The following OCRL variants were observed in gnomAD, a reference collection of about 807,000 sequenced individuals.
OCRL encodes OCRL inositol polyphosphate-5-phosphatase, also known as inositol polyphosphate 5-phosphatase OCRL.
OCRL carries 8 observed loss-of-function variants against 78.9 expected under a neutral mutation model. The ratio of observed to expected loss-of-function variants is 0.10; its 90% CI spans 0.06 to 0.18. The LOEUF (loss-of-function observed/expected upper bound fraction) is 0.18. OCRL is among the 10% of genes least tolerant of loss of function. The pLI, the probability that OCRL is intolerant of heterozygous loss-of-function variation, is 1.00. For synonymous variants in OCRL, 240 were observed against 235.4 expected (o/e 1.02, Z -0.18); for missense variants, 454 against 696.7 (o/e 0.65, Z 3.92).
At position 129,576,144 on chromosome X, in the gene OCRL, CAT is replaced by C. The variant is rs1419503578; in HGVS notation, c.1879+83_1879+84del. On this transcript the variant is annotated intron_variant, in intron 17 of 23. Coordinates refer to ENST00000371113, the MANE Select transcript of OCRL (RefSeq NM_000276.4). ...GGTTTAACTTTCTGTTTTCTAACCA[CAT>C]GTCTCTTACCTTTACTGTCATATTG... is the stretch of plus-strand genomic sequence containing the variant. 10 of 1,033,292 alleles carry C rather than the reference CAT, an allele frequency of 9.7e-6. No individual in the cohort carries two copies. The Admixed American group carries it at 1.1e-4, about 12-fold the overall frequency. 85.2% of individuals were successfully genotyped at this position (1,033,292 alleles called of 1,213,427 possible).
chrX:129,584,336 G>T lies in OCRL; in HGVS notation c.2116-8G>T, dbSNP rs200580480. ...GTCAATGACTTTCTTTTCCTGCTCC[G>T]CTCTCAGGAAGAAGACAGCTTCCTA... On this transcript the variant is annotated splice_region_variant and splice_polypyrimidine_tract_variant and intron_variant, in intron 18 of 23. Coordinates refer to ENST00000371113, the MANE Select transcript of OCRL (RefSeq NM_000276.4). 2.2e-5 allele frequency: 26 copies of T among 1,204,016 alleles called. No homozygotes were observed. The highest frequency in any genetic ancestry group is 1.8e-4 in the South Asian group (10 of 56,649).
chrX:129,566,397 T>A (rs763781861), intron 13 of OCRL, among the ~76,000 whole-genome samples: 1 of 112,578 alleles, frequency 8.9e-6, no homozygotes, highest in African/African-American at 3.2e-5. Flanking sequence ...AGATGATAAG[T>A]TGAAGCTAGC....
At chrX:129,578,850 TTGTA>T (rs1441093479) in intron 18 of OCRL, among the ~76,000 whole-genome samples, 6 of 110,804 alleles carry the variant, frequency 5.4e-5, no homozygotes, top group African/African-American at 2.0e-4. Context: ...TTTTATTAAA[TTGTA>T]TGTGTGTGGA....
In OCRL at chrX:129,590,143, T is replaced by A. The variant is rs2124430712; in HGVS notation, c.2582-3T>A. 1 of 1,211,791 alleles carries A rather than the reference T, an allele frequency of 8.3e-7. No homozygotes were observed. The highest frequency in any genetic ancestry group is 1.1e-6 in the Non-Finnish European group (1 of 895,512). The stretch of plus-strand genomic sequence containing the variant: ...TTCCGCTTGTCTTTCTCTCGTCTTG[T>A]AGCTACTCTCTTCACTAGTCTTCTC... On this transcript the variant is annotated splice_region_variant and splice_polypyrimidine_tract_variant and intron_variant, in intron 23 of 23. Transcript: ENST00000371113.
intron 4 of OCRL, among the ~76,000 whole-genome samples, chrX:129,552,131 G>T (rs1016738598): frequency 1.8e-5 from 2 of 112,098 alleles, no homozygotes; most frequent in African/African-American, 6.5e-5. Flanking sequence ...GTCATCATTT[G>T]CATGGAAGCA....
At chrX:129,550,501 T>A (rs909847345) in intron 4 of OCRL, among the ~76,000 whole-genome samples, 2 of 111,753 alleles carry the variant, frequency 1.8e-5, no homozygotes, top group Admixed American at 9.5e-5. Context: ...TTTTTTCAGG[T>A]CCTCTTTTAT....
At chrX:129,569,142 G>T in intron 14 of OCRL, 122 bp from the exon 15 acceptor site, 2 of 801,652 alleles carry the variant, frequency 2.5e-6, no homozygotes, top group Non-Finnish European at 1.9e-6. Context: ...GTTAGGGAAG[G>T]AGAAGTACAC....
At chrX:129,589,759 A>T in intron 22 of OCRL, 86 bp from the exon 23 acceptor site, 1 of 639,789 alleles carries the variant, frequency 1.6e-6, no homozygotes, top group Non-Finnish European at 2.6e-6. Context: ...GTTGGATTAT[A>T]GACTACTATT....
intron 5 of OCRL, 48 bp downstream of exon 5, chrX:129,557,483 G>A: frequency 9.4e-7 from 1 of 1,069,133 alleles, no homozygotes; most frequent in Non-Finnish European, 1.3e-6. Context: ...AACGGGAGTG[G>A]AATTCTGACA....
At chrX:129,581,574 C>T (rs1317224300) in intron 18 of OCRL, among the ~76,000 whole-genome samples, 1 of 109,959 alleles carries the variant, frequency 9.1e-6, no homozygotes, top group Non-Finnish European at 1.9e-5. Flanking sequence ...TCTTGTCCCT[C>T]CATCAGTATT....
rs767848698 is a variant in OCRL, at chrX:129,586,990, T to C, written c.2140-12T>C. On this transcript the variant is annotated splice_polypyrimidine_tract_variant and intron_variant, in intron 19 of 23. Coordinates refer to ENST00000371113, the MANE Select transcript of OCRL (RefSeq NM_000276.4). ...GAGACCCCTTTGATTCTCATACTTTTCCATCTATTAGGAGAAATCCCTTCT... is the reference window on the plus strand; with the variant it reads ...GAGACCCCTTTGATTCTCATACTTTCCCATCTATTAGGAGAAATCCCTTCT... 12 of 1,109,985 alleles carry C rather than the reference T, an allele frequency of 1.1e-5. No individual in the cohort carries two copies. Among genetic ancestry groups the C allele is most frequent in the Non-Finnish European group, 1.0e-5 (8 of 802,590 alleles). The allele number at this position is 1,109,985 out of a possible 1,213,427, so 91.5% of individuals were successfully genotyped here.
chrX:129,571,342 GTTTTTGT>G (rs1244778502), intron 15 of OCRL, among the ~76,000 whole-genome samples: 10 of 88,514 alleles, frequency 1.1e-4, no homozygotes. Context: ...TTTTTTGTTT[GTTTTTGT>G]TTTTTGTTTT....
At chrX:129,541,207 G>A (rs1160608358) in intron 2 of OCRL, among the ~76,000 whole-genome samples, 1 of 112,363 alleles carries the variant, frequency 8.9e-6, no homozygotes, top group East Asian at 2.8e-4. Context: ...ATAACTGGGG[G>A]AAAAATAAAT....
chrX:129,561,632 G>A (rs1382110937), intron 10 of OCRL, among the ~76,000 whole-genome samples: 1 of 112,097 alleles, frequency 8.9e-6, no homozygotes, highest in African/African-American at 3.2e-5. Context: ...AATATGAAAC[G>A]TGGGCGCATG....
intron 6 of OCRL, 109 bp from the exon 7 acceptor site, chrX:129,558,524 G>A: frequency 1.1e-6 from 1 of 942,606 alleles, no homozygotes; most frequent in Non-Finnish European, 1.5e-6. Flanking sequence ...ATAGTTTTCT[G>A]TTTAGTAATA....
chrX:129,557,833 T>C, intron 5 of OCRL, 28 bp from the exon 6 acceptor site: 2 of 1,048,576 alleles, frequency 1.9e-6, no homozygotes, highest in Non-Finnish European at 2.7e-6. Flanking sequence ...GACTTCCCAG[T>C]TTCTGACCAT....
chrX:129,569,150 C>A, intron 14 of OCRL, 114 bp from the exon 15 acceptor site: 1 of 868,765 alleles, frequency 1.2e-6, no homozygotes, highest in Non-Finnish European at 1.7e-6. Context: ...AGGAGAAGTA[C>A]ACGGTTCTTT....
At chrX:129,590,055 A>G (rs2124430632) in intron 23 of OCRL, 91 bp from the exon 24 acceptor site, 2 of 1,177,925 alleles carry the variant, frequency 1.7e-6, no homozygotes, top group East Asian at 3.0e-5. Context: ...CATGGCAGTC[A>G]ATAGTCCTTG....
intron 2 of OCRL, among the ~76,000 whole-genome samples, chrX:129,542,989 C>T (rs767511309): frequency 8.1e-5 from 9 of 111,577 alleles, no homozygotes; most frequent in Admixed American, 6.7e-4. Flanking sequence ...GAATCAAACA[C>T]TTAAGATTCA....
Sources: allele counts gnomAD v4.1 joint callset (sites outside exome capture counted in the v4.1 genomes callset), GRCh38; gene constraint gnomAD v4.1.1; transcripts MANE v1.5; gene names NCBI Gene and HGNC (gene_info 2026-07-23, HGNC 2026-07-21).